PDE4B: variants seen among roughly 807,000 people sequenced by gnomAD.
PDE4B encodes the protein phosphodiesterase 4B.
In PDE4B, 20 loss-of-function variants were observed where a neutral mutation model predicts 82.2. The observed-to-expected ratio is 0.24, with a 90% confidence interval of 0.17 to 0.35. PDE4B has a LOEUF of 0.35. PDE4B is among the 10% of genes least tolerant of loss of function. The pLI, the probability that PDE4B is intolerant of heterozygous loss-of-function variation, is 1.00. For synonymous variants in PDE4B, 320 were observed against 318.9 expected (o/e 1.00, Z -0.04); for missense variants, 655 against 907.2 (o/e 0.72, Z 3.57).
At chr1:66,267,561 T>C (rs546608487) in intron 7 of PDE4B, 28 of 152,336 alleles carry the variant, frequency 1.8e-4, no homozygotes, top group Middle Eastern at 6.8e-3. Context: ...TAACCAAAGA[T>C]GTGGTTGGAA....
At chr1:66,147,389 A>G (rs1646296931) in intron 3 of PDE4B, among the ~76,000 whole-genome samples, 1 of 152,192 alleles carries the variant, frequency 6.6e-6, no homozygotes, top group Non-Finnish European at 1.5e-5. Context: ...CCAAGATAAC[A>G]CTGTTAGCTG....
chr1:65,992,678 C>A (rs771932029), intron 3 of PDE4B: 1 of 1,259,426 alleles, frequency 7.9e-7, no homozygotes, highest in Non-Finnish European at 1.0e-6. Context: ...AGCACTTTGG[C>A]GCATTTTCAG....
chr1:65,879,194 C>T (rs559583984), intron 1 of PDE4B, among the ~76,000 whole-genome samples: 4 of 152,208 alleles, frequency 2.6e-5, no homozygotes, highest in African/African-American at 9.6e-5. Context: ...AAAATTCTTC[C>T]TCCCAGGCCA....
chr1:65,877,217 G>C (rs1020688406), intron 1 of PDE4B, among the ~76,000 whole-genome samples: 7 of 152,028 alleles, frequency 4.6e-5, no homozygotes, highest in African/African-American at 1.7e-4. Context: ...TAGACCAATG[G>C]GACAGAACAG....
At chr1:65,962,320 G>C (rs2100600117) in intron 3 of PDE4B, among the ~76,000 whole-genome samples, 1 of 152,264 alleles carries the variant, frequency 6.6e-6, no homozygotes, top group East Asian at 1.9e-4. Context: ...ACCATCTGCA[G>C]ACATGCTCAG....
At position 66,266,047 on chromosome 1, in the gene PDE4B, A is replaced by G; in HGVS notation, c.594A>G (p.Pro198=). 1 of 1,613,464 alleles carries G rather than the reference A, an allele frequency of 6.2e-7. No individual in the cohort carries two copies. ...TTCTCTGTCTCCACAGGAGGTCCCC[A>G]GCTGCTAGTCAGCCTCCTGTCTCCA... is the stretch of plus-strand genomic sequence containing the variant. The part of the protein sequence containing the change: ...NLHGTSNKRS[P]AASQPPVSRV... Residue 198 remains proline, a synonymous_variant, in exon 7 of 17, where the codon CCA becomes CCG. Transcript: ENST00000341517.
At chr1:66,214,201 A>G (rs1416127361) in intron 3 of PDE4B, among the ~76,000 whole-genome samples, 1 of 152,226 alleles carries the variant, frequency 6.6e-6, no homozygotes, top group Non-Finnish European at 1.5e-5. Context: ...AAGTGGAACA[A>G]GCATTTTCTA....
chr1:65,866,829 A>G (rs1427929437), intron 1 of PDE4B, among the ~76,000 whole-genome samples: 1 of 152,214 alleles, frequency 6.6e-6, no homozygotes, highest in Non-Finnish European at 1.5e-5. Flanking sequence ...TCCAGGGAAT[A>G]TTGGCATATT....
At chr1:65,890,792 A>C (rs181966060) in intron 1 of PDE4B, among the ~76,000 whole-genome samples, 1 of 152,148 alleles carries the variant, frequency 6.6e-6, no homozygotes, top group African/African-American at 2.4e-5. Context: ...TGAAGTCTGC[A>C]GTTCTATATC....
At chr1:66,202,166 T>C (rs367548035) in intron 3 of PDE4B, among the ~76,000 whole-genome samples, 18 of 152,066 alleles carry the variant, frequency 1.2e-4, no homozygotes, top group African/African-American at 4.3e-4. Context: ...TTTGAGTGAG[T>C]TTCTTAATCC....
chr1:65,946,512 G>T lies in PDE4B; in HGVS notation c.281+27677G>T, dbSNP rs530522097. Among the ~76,000 whole-genome samples, 42 of 152,066 alleles carry T rather than the reference G, an allele frequency of 2.8e-4. 2 individuals carry two copies. The South Asian group carries it at 8.5e-3, about 31-fold the overall frequency. On this transcript the variant is annotated intron_variant, in intron 3 of 16. Coordinates refer to ENST00000341517, the MANE Select transcript of PDE4B (RefSeq NM_002600.4). The stretch of plus-strand genomic sequence containing the variant: ...TCTAGCACATCACTATCTTCAGCTG[G>T]TGAGAGCAGTTCTGGTCACGTGGTC...
chr1:66,015,236 T>C (rs1652702440), intron 3 of PDE4B, among the ~76,000 whole-genome samples: 1 of 152,190 alleles, frequency 6.6e-6, no homozygotes, highest in Non-Finnish European at 1.5e-5. Flanking sequence ...ATTGGAGTCC[T>C]ATTAGACTAT....
chr1:66,128,836 A>C (rs2101102144), intron 3 of PDE4B, among the ~76,000 whole-genome samples: 1 of 152,214 alleles, frequency 6.6e-6, no homozygotes, highest in Non-Finnish European at 1.5e-5. Flanking sequence ...GAAAGGGAAA[A>C]CCCCTTATAA....
At chr1:66,165,770 T>C (rs1646717274) in intron 3 of PDE4B, among the ~76,000 whole-genome samples, 1 of 152,138 alleles carries the variant, frequency 6.6e-6, no homozygotes, top group Admixed American at 6.5e-5. Context: ...GAACGTCCTA[T>C]GTTAGTGGAT....
chr1:65,797,831 T>C (rs1645648491), intron 1 of PDE4B, among the ~76,000 whole-genome samples: 1 of 152,094 alleles, frequency 6.6e-6, no homozygotes. Context: ...CGGGAGACTC[T>C]GGGCCTGGGT....
intron 8 of PDE4B, among the ~76,000 whole-genome samples, chr1:66,340,378 A>C (rs964047347): frequency 3.3e-5 from 5 of 152,214 alleles, no homozygotes; most frequent in African/African-American, 4.8e-5. Context: ...AGTGCCAGAT[A>C]ATTTTTTCTT....
chr1:66,289,556 G>A (rs956032296), intron 7 of PDE4B, among the ~76,000 whole-genome samples: 5 of 152,082 alleles, frequency 3.3e-5, no homozygotes, highest in African/African-American at 1.2e-4. Flanking sequence ...GGCTGGAACA[G>A]AGTGAGCTAG....
At chr1:65,916,578 A>T (rs1234153292) in intron 2 of PDE4B, among the ~76,000 whole-genome samples, 1 of 152,154 alleles carries the variant, frequency 6.6e-6, no homozygotes, top group African/African-American at 2.4e-5. Flanking sequence ...CTTTCTTTAC[A>T]TGCATATTTG....
At position 66,367,860 on chromosome 1, in the gene PDE4B, T is replaced by C; in HGVS notation, c.1539+10T>C. On this transcript the variant is annotated intron_variant, in intron 14 of 16. Coordinates refer to ENST00000341517, the MANE Select transcript of PDE4B (RefSeq NM_002600.4). Reference sequence around the variant, plus strand: ...GATGGTTATTGACATGGTAAGACTTTAGCCTCTCTACATTCCTCACTTACT... The same window carrying C: ...GATGGTTATTGACATGGTAAGACTTCAGCCTCTCTACATTCCTCACTTACT... 3 of 1,613,188 alleles carry C rather than the reference T, an allele frequency of 1.9e-6. No individual in the cohort carries two copies. Among genetic ancestry groups the C allele is most frequent in the South Asian group, 2.2e-5 (2 of 91,004 alleles).
Sources: gnomAD v4.1 joint callset for allele counts (sites outside exome capture counted in the v4.1 genomes callset) on GRCh38, gnomAD v4.1.1 for gene constraint, MANE v1.5 for transcripts, NCBI Gene and HGNC (gene_info 2026-07-23, HGNC 2026-07-21) for gene names.